THBS2: variants seen among roughly 807,000 people sequenced by gnomAD.
The protein encoded by THBS2 is thrombospondin 2.
In THBS2, 47 loss-of-function variants were observed where a neutral mutation model predicts 135.2. The ratio of observed to expected loss-of-function variants is 0.35; its 90% confidence interval spans 0.28 to 0.44. The LOEUF (loss-of-function observed/expected upper bound fraction) is 0.44. Ranked by LOEUF, THBS2 falls within the 20% of genes least tolerant of loss-of-function variation. THBS2 has a pLI of 1.00. For missense variants in THBS2, 1,288 were observed against 1,603.1 expected (o/e 0.80, Z 3.36); for synonymous variants, 639 against 633.8 (o/e 1.01, Z -0.12).
At chr6:169,240,366 T>C in intron 6 of THBS2, 86 bp downstream of exon 6, 2 of 1,561,814 alleles carry the variant, frequency 1.3e-6, no homozygotes, top group Non-Finnish European at 1.7e-6. Context: ...ACATCAGCAC[T>C]GAACGCTGGC....
intron 15 of THBS2, among the ~76,000 whole-genome samples, chr6:169,227,518 T>G (rs969360609): frequency 2.6e-5 from 4 of 152,084 alleles, no homozygotes; most frequent in Admixed American, 6.5e-5. Flanking sequence ...GGGTGAACAT[T>G]AGAAAAGATG....
intron 4 of THBS2, among the ~76,000 whole-genome samples, chr6:169,245,620 A>G (rs113894053): frequency 0.023 from 3,432 of 151,990 alleles, 99 homozygotes; most frequent in African/African-American, 0.071. Context: ...CTGAAACCCC[A>G]TCTCTACTAA....
chr6:169,220,312 C>G lies in THBS2; in HGVS notation c.3397G>C (p.Val1133Leu), dbSNP rs112533700. ...TAGATAGGTCCTGAGTCTGCCATGA[C>G]CTGTTTTCCTTCATGCACTAAGACT... is the stretch of plus-strand genomic sequence containing the variant. ...IRVLVHEGKQ[V>L]MADSGPIYDQ... The change falls in exon 21 of 22, where the codon GTC (valine) becomes CTC (leucine). Residue 1133 changes from valine to leucine, a missense_variant. Transcript: ENST00000617924. 6.2e-7 allele frequency: 1 copy of G among 1,613,316 alleles called. No homozygotes were observed. The highest frequency in any genetic ancestry group is 8.5e-7 in the Non-Finnish European group (1 of 1,179,696).
chr6:169,246,420 T>C, intron 3 of THBS2, 139 bp from the exon 4 acceptor site: 1 of 696,748 alleles, frequency 1.4e-6, no homozygotes, highest in South Asian at 1.8e-5. Context: ...AGGTTTGCAA[T>C]CTCTTTATAA....
In THBS2 at chr6:169,241,616, C is replaced by T. The variant is rs1188165159; in HGVS notation, c.891+146G>A. On this transcript the variant is annotated intron_variant, in intron 5 of 21. Transcript: ENST00000617924. This position sits in a 1 kb window ranked among gnomAD's most constrained non-coding sequence, Gnocchi z 5.5. ...TATTGAGCAAGGATCCTGAGGAGCCCGGCAGACACCTCCCCTGTGAACTGT... is the reference window on the plus strand; with the variant it reads ...TATTGAGCAAGGATCCTGAGGAGCCTGGCAGACACCTCCCCTGTGAACTGT... 7.7e-6 allele frequency: 6 copies of T among 779,322 alleles called. No homozygotes were observed. The highest frequency in any genetic ancestry group is 2.6e-5 in the East Asian group (1 of 38,298). 48.3% of individuals were successfully genotyped at this position (779,322 alleles called of 1,614,324 possible).
At chr6:169,229,805 A>C (rs934129772) in intron 13 of THBS2, 126 bp from the exon 14 acceptor site, 17 of 712,006 alleles carry the variant, frequency 2.4e-5, no homozygotes, top group Non-Finnish European at 4.0e-5. Flanking sequence ...CTCGATCTCA[A>C]GCGGGAGCTG....
intron 17 of THBS2, 130 bp downstream of exon 17, chr6:169,225,014 TA>T: frequency 2.3e-6 from 2 of 873,246 alleles, no homozygotes; most frequent in Non-Finnish European, 1.8e-6. Flanking sequence ...CCCACAGCTT[TA>T]AGAGGCCCAA....
intron 7 of THBS2, 130 bp downstream of exon 7, chr6:169,239,469 T>C: frequency 1.2e-6 from 1 of 811,938 alleles, no homozygotes; most frequent in South Asian, 1.7e-5. Flanking sequence ...GGTGGCCCTC[T>C]GATTCTCTCA....
At chr6:169,225,778 C>G (rs761525430) in intron 16 of THBS2, among the ~76,000 whole-genome samples, 2 of 152,162 alleles carry the variant, frequency 1.3e-5, no homozygotes, top group African/African-American at 4.8e-5. Flanking sequence ...CTTTCAAACG[C>G]AAACCTGGAA....
intron 15 of THBS2, among the ~76,000 whole-genome samples, chr6:169,227,045 C>T (rs1002799405): frequency 2.6e-5 from 4 of 152,212 alleles, no homozygotes; most frequent in South Asian, 2.1e-4. Context: ...CTGGCCACCA[C>T]GAGCCCTCAG....
In THBS2 at chr6:169,222,481, CCATAAGGTTTCGTTAGAAA is replaced by C; in HGVS notation, c.3002-32_3002-14del. 6.2e-7 allele frequency: 1 copy of C among 1,607,504 alleles called. No individual in the cohort carries two copies. The highest frequency in any genetic ancestry group is 8.5e-7 in the Non-Finnish European group (1 of 1,175,784). On this transcript the variant is annotated splice_polypyrimidine_tract_variant and intron_variant, in intron 18 of 21. Coordinates refer to ENST00000617924, the MANE Select transcript of THBS2 (RefSeq NM_003247.5). ...AACTCGTCAAAACCTGGATGCAACGCCATAAGGTTTCGTTAGAAACACCTTTCAGGTGGCCGGGAGTAGT... is the reference window on the plus strand; with the variant it reads ...AACTCGTCAAAACCTGGATGCAACGCCACCTTTCAGGTGGCCGGGAGTAGT...
intron 21 of THBS2, among the ~76,000 whole-genome samples, chr6:169,218,204 ATGGGTGGATGGATGATGAGATGGT>A (rs1240507943): frequency 1.5e-5 from 2 of 134,804 alleles, no homozygotes; most frequent in Non-Finnish European, 3.1e-5. Context: ...GATGAGATGA[ATGGGTGGATGGATGATGAGATGGT>A]TGGGTGGCTG....
At chr6:169,238,010 T>C (rs1780165363) in intron 7 of THBS2, among the ~76,000 whole-genome samples, 2 of 152,188 alleles carry the variant, frequency 1.3e-5, no homozygotes, top group East Asian at 1.9e-4. Context: ...AGGGACTGCC[T>C]TTCAAGAGAA....
intron 13 of THBS2, among the ~76,000 whole-genome samples, chr6:169,230,134 T>G (rs914955402): frequency 6.6e-6 from 1 of 152,216 alleles, no homozygotes; most frequent in South Asian, 2.1e-4. Flanking sequence ...AATATGTATG[T>G]GATATGTTCA....
chr6:169,234,227 C>A, intron 10 of THBS2, among the ~76,000 whole-genome samples: 1 of 150,834 alleles, frequency 6.6e-6, no homozygotes. Flanking sequence ...CAGTCCACAC[C>A]ATGCAACTAC....
intron 1 of THBS2, among the ~76,000 whole-genome samples, chr6:169,251,158 G>T (rs924772993): frequency 6.6e-6 from 1 of 152,188 alleles, no homozygotes; most frequent in Non-Finnish European, 1.5e-5. Context: ...CTTGCCTGGA[G>T]TAATTCTGTT....
At chr6:169,242,609 TTCCCACCGCTCCCACCTTCCCACCAC>T (rs2115020150) in intron 4 of THBS2, among the ~76,000 whole-genome samples, 2 of 76,412 alleles carry the variant, frequency 2.6e-5, no homozygotes, top group South Asian at 1.1e-3. Context: ...CATTCCCACC[TTCCCACCGCTCCCACCTTCCCACCAC>T]TCCCACCTTC....
chr6:169,247,241 TTG>T (rs368892448), intron 3 of THBS2, among the ~76,000 whole-genome samples: 4 of 151,998 alleles, frequency 2.6e-5, no homozygotes, highest in Admixed American at 6.6e-5. Flanking sequence ...AAGGCGTGCG[TTG>T]TGTGTGTGTG....
At chr6:169,232,619 T>C in intron 12 of THBS2, 45 bp downstream of exon 12, 1 of 1,553,382 alleles carries the variant, frequency 6.4e-7, no homozygotes, top group Non-Finnish European at 8.7e-7. Flanking sequence ...CATCTGATTT[T>C]TCCAAAGCCG....
Sources: allele counts gnomAD v4.1 joint callset (sites outside exome capture counted in the v4.1 genomes callset), GRCh38; gene constraint gnomAD v4.1.1; non-coding constraint Gnocchi (gnomAD v3.1); transcripts MANE v1.5; gene names NCBI Gene and HGNC (gene_info 2026-07-23, HGNC 2026-07-21).